Variants in DNAH5 observed in about 807,000 individuals in gnomAD.
DNAH5 encodes dynein axonemal heavy chain 5, also known as axonemal beta dynein heavy chain 5.
DNAH5 carries 372 observed loss-of-function variants against 518.2 expected under a neutral mutation model. The ratio of observed to expected loss-of-function variants is 0.72; its 90% CI spans 0.66 to 0.78. DNAH5 has a LOEUF of 0.78. Ranked by LOEUF, DNAH5 falls within the 30% of genes least tolerant of loss-of-function variation. DNAH5 has a pLI of 0.00. For missense variants in DNAH5, 5,523 were observed against 5,687.0 expected, an observed-to-expected ratio of 0.97 and a Z score of 0.93; for synonymous variants, 2,039 against 2,025.9, an observed-to-expected ratio of 1.01 and a Z score of -0.17.
chr5:13,735,182 C>T lies in DNAH5; in HGVS notation c.11710G>A (p.Asp3904Asn). The T allele has an allele frequency of 6.2e-7, 1 of 1,614,028 alleles. No homozygotes were observed. The highest frequency in any genetic ancestry group is 1.1e-5 in the South Asian group (1 of 91,074). ...LFTLLLTLKI[D>N]IQRNRVKHEE... is the part of the protein sequence containing the mutation. The stretch of plus-strand genomic sequence containing the variant: ...TGCTTGACTCGGTTCCTCTGGATGT[C>T]AATCTTTAGGGTAAGCAACAAGGTG... Residue 3904 changes from aspartate (D) to asparagine (N), a missense_variant, in exon 68 of 79, where the codon GAC (aspartate) becomes AAC (asparagine). Around this residue, in one of 3 missense-constraint regions of DNAH5, gnomAD observed 5,121 missense variants for 5,223.3 expected, o/e 0.98. Transcript: ENST00000265104.
chr5:13,878,912 C>T (rs1771263059), intron 21 of DNAH5, among the ~76,000 whole-genome samples: 1 of 152,238 alleles, frequency 6.6e-6, no homozygotes, highest in Non-Finnish European at 1.5e-5. Flanking sequence ...ATGCATTCAA[C>T]ACTCCAACAT....
At chr5:13,732,452 C>T (rs1254221086) in intron 68 of DNAH5, among the ~76,000 whole-genome samples, 6 of 152,104 alleles carry the variant, frequency 3.9e-5, no homozygotes, top group African/African-American at 7.2e-5. Flanking sequence ...CTGCAACCTC[C>T]GCCTCCCAGG....
Position 13,754,206 on chromosome 5 carries a change from C to G in DNAH5, c.10552G>C (p.Val3518Leu), listed in dbSNP as rs558861943. The G allele has an allele frequency of 6.2e-6, 10 of 1,614,056 alleles. No individual in the cohort carries two copies. The African/African-American group carries it at 8.0e-5, about 13-fold the overall frequency. ...ATTAATAAAGAAATTTACATACCTA[C>G]AAGTCTTTTAGTTTGTGCAGCAAAC... is the stretch of plus-strand genomic sequence containing the variant. ...QEFAAQTKRLVGDVLLATAFL... is the reference protein window; with the variant it reads ...QEFAAQTKRLLGDVLLATAFL... Residue 3518 changes from valine (V) to leucine (L), a missense_variant, in exon 62 of 79, where the codon GTA becomes CTA. Physicochemically the swap from Val to Leu is conservative, Grantham distance 32. Transcript: ENST00000265104.
chr5:13,844,784 G>A, intron 32 of DNAH5, 53 bp downstream of exon 32: 1 of 1,611,392 alleles, frequency 6.2e-7, no homozygotes, highest in Admixed American at 1.7e-5. Flanking sequence ...CTTAAAGACA[G>A]TTGAGGTTCG....
At chr5:13,798,228 G>T (rs1170792939) in intron 47 of DNAH5, among the ~76,000 whole-genome samples, 1 of 151,984 alleles carries the variant, frequency 6.6e-6, no homozygotes, top group East Asian at 1.9e-4. Flanking sequence ...ATAAATAACT[G>T]AAAGAAGGGA....
At chr5:14,004,701 T>C (rs1306877613) in intron 1 of DNAH5, among the ~76,000 whole-genome samples, 3 of 152,208 alleles carry the variant, frequency 2.0e-5, no homozygotes, top group Admixed American at 1.3e-4. Flanking sequence ...GTATGTAGCA[T>C]GCATAGCACA....
chr5:13,883,946 A>G (rs1772017734), intron 19 of DNAH5, among the ~76,000 whole-genome samples: 1 of 152,188 alleles, frequency 6.6e-6, no homozygotes, highest in Non-Finnish European at 1.5e-5. Flanking sequence ...TCAATATTCA[A>G]AATATATTTA....
At chr5:13,737,803 T>A (rs1223022649) in intron 65 of DNAH5, among the ~76,000 whole-genome samples, 13 of 152,084 alleles carry the variant, frequency 8.5e-5, no homozygotes, top group Non-Finnish European at 1.6e-4. Context: ...GGCGCATACC[T>A]GTAGTCCCAG....
intron 30 of DNAH5, among the ~76,000 whole-genome samples, chr5:13,852,348 G>A (rs921666681): frequency 6.6e-6 from 1 of 152,116 alleles, no homozygotes; most frequent in Non-Finnish European, 1.5e-5. Context: ...TGTATTTTTA[G>A]TAGAGATGGG....
chr5:13,791,940 G>C (rs893763688), intron 50 of DNAH5, 54 bp downstream of exon 50: 11 of 1,390,912 alleles, frequency 7.9e-6, no homozygotes, highest in African/African-American at 1.4e-5. Context: ...AAAATATTTA[G>C]AATATATCAT....
In DNAH5 at chr5:14,011,523, C is replaced by T. The variant is rs564471774; in HGVS notation, c.12+125G>A. 5.3e-5 allele frequency among the ~76,000 whole-genome samples: 8 copies of T among 152,284 alleles called. No homozygotes were observed. In the East Asian group the frequency reaches 1.2e-3, roughly 22 times the overall value. On this transcript the variant is annotated intron_variant, in intron 1 of 78. Coordinates refer to the DNAH5 transcript ENST00000681290. The stretch of plus-strand genomic sequence containing the variant: ...ACTCTGAAAACCCCGGACCACAAGC[C>T]GAGCCCCTCCCTGGTCTCTGCCGCC...
At chr5:13,848,201 A>G (rs886496876) in intron 31 of DNAH5, among the ~76,000 whole-genome samples, 6 of 152,250 alleles carry the variant, frequency 3.9e-5, no homozygotes, top group Non-Finnish European at 8.8e-5. Context: ...AGATCAACTC[A>G]TTAATCCCTA....
rs576096758 is a variant in DNAH5 at position 13,735,309 on chromosome 5, G to T, written c.11583C>A (p.Ser3861Arg). 2.2e-4 allele frequency: 358 copies of T among 1,613,970 alleles called. 3 individuals are homozygous for T. Among genetic ancestry groups the T allele is most frequent in the South Asian group, 1.8e-3 (160 of 91,066 alleles). Residue 3861 changes from serine (S) to arginine (R), a missense_variant, in exon 68 of 79, where the codon AGC (serine) becomes AGA (arginine). Ser to Arg is a moderately radical substitution (Grantham distance 110). Transcript: ENST00000265104. ...TAGCAATCCTCTTGCTTGTAATCGG[G>T]CTCTTGACAGACCTGGTGAATAGAA... ...FDLSLARSVK[S>R]PITSKRIANI... is the part of the protein sequence containing the mutation.
At position 13,894,635 on chromosome 5, in the gene DNAH5, T is replaced by C. The variant is rs1773679191; in HGVS notation, c.2431+15A>G. On this transcript the variant is annotated intron_variant, in intron 16 of 78. Transcript: ENST00000265104. ...CTTTAGAATTCAGAAATACTAATTA[T>C]TCAGGCAGACTTACTGATCTTTGCA... The C allele has an allele frequency of 6.2e-7, 1 of 1,613,322 alleles. No homozygotes were observed. The highest frequency in any genetic ancestry group is 1.3e-5 in the African/African-American group (1 of 75,048).
intron 55 of DNAH5, among the ~76,000 whole-genome samples, chr5:13,773,485 G>C (rs1011289204): frequency 1.3e-5 from 2 of 152,124 alleles, no homozygotes; most frequent in Non-Finnish European, 2.9e-5. Context: ...AGTTGAACTA[G>C]AGAAAGACTG....
At chr5:13,788,576 A>C (rs1580247697) in intron 51 of DNAH5, 140 bp downstream of exon 51, 3 of 714,432 alleles carry the variant, frequency 4.2e-6, no homozygotes, top group Non-Finnish European at 7.4e-6. Flanking sequence ...AGTTTTATTG[A>C]GCATCTACTG....
chr5:13,943,468 A>T (rs1271060159), intron 1 of DNAH5, among the ~76,000 whole-genome samples: 1 of 152,232 alleles, frequency 6.6e-6, no homozygotes, highest in African/African-American at 2.4e-5. Context: ...AGGAGGTAAC[A>T]CTAGCACTTG....
At position 13,727,951 on chromosome 5, in the gene DNAH5, A is replaced by G. The variant is rs1008167288; in HGVS notation, c.11884-295T>C. On this transcript the variant is annotated intron_variant, in intron 69 of 78. Coordinates refer to ENST00000265104, the MANE Select transcript of DNAH5 (RefSeq NM_001369.3). ...TAACAAATTTGTAAAGAATACAACA[A>G]AATCAATGGAAATTCATTTTCATTA... Among the ~76,000 whole-genome samples, 3 of 152,194 alleles carry G rather than the reference A, an allele frequency of 2.0e-5. No individual in the cohort carries two copies. The South Asian group carries it at 6.2e-4, about 31-fold the overall frequency.
intron 1 of DNAH5, among the ~76,000 whole-genome samples, chr5:13,933,743 T>C (rs911106244): frequency 6.9e-6 from 1 of 145,626 alleles, no homozygotes; most frequent in Non-Finnish European, 1.5e-5. Context: ...TGAGCCGAGA[T>C]TGCACCATTG....
Sources: allele counts gnomAD v4.1 joint callset (sites outside exome capture counted in the v4.1 genomes callset), GRCh38; gene constraint gnomAD v4.1.1; regional missense constraint gnomAD v4.1.1; transcripts MANE v1.5; gene names NCBI Gene and HGNC (gene_info 2026-07-23, HGNC 2026-07-21).